SIRPA: variants seen among roughly 807,000 people sequenced by gnomAD.
SIRPA encodes tyrosine-protein phosphatase non-receptor type substrate 1.
SIRPA carries 9 observed loss-of-function variants against 50.3 expected under a neutral mutation model. That is an observed-to-expected ratio of 0.18 (90% CI 0.11 to 0.31). The LOEUF (loss-of-function observed/expected upper bound fraction) is 0.31, where lower values mean the gene tolerates loss of function less well. Among genes scored for constraint, SIRPA ranks in the 10% least tolerant of loss-of-function variants. SIRPA has a pLI of 1.00. For missense variants in SIRPA, 474 were observed against 661.6 expected (o/e 0.72, Z 3.11); for synonymous variants, 265 against 284.1 (o/e 0.93, Z 0.68).
chr20:1,935,299 C>T (rs537051425), intron 7 of SIRPA, among the ~76,000 whole-genome samples: 5 of 152,370 alleles, frequency 3.3e-5, no homozygotes, highest in Admixed American at 6.5e-5. Context: ...TGCAGCAACA[C>T]GGTTTCTGAG....
In SIRPA at chr20:1,939,478, A is replaced by G. The variant is rs898544815; in HGVS notation, c.*1910A>G. 6.6e-6 allele frequency: 1 copy of G among 152,236 alleles called. No homozygotes were observed. The highest frequency in any genetic ancestry group is 1.5e-5 in the Non-Finnish European group (1 of 68,044). The allele number at this position is 152,236 out of a possible 1,614,324, so 9.4% of individuals were successfully genotyped here. A position where few individuals can be genotyped will look rare whatever the true frequency, so the allele number is the denominator to read the frequency against. ...GTGACCCAGCCACCTGGCTCAGGCT[A>G]GTTCCAAATTCCAAAAGATTGGCTT... On this transcript the variant is annotated 3_prime_UTR_variant, in exon 8 of 8. Transcript: ENST00000358771. The surrounding 1 kb of genome is among the most constrained non-coding windows in gnomAD (Gnocchi z 4.7).
At chr20:1,918,360 CT>C (rs60736526) in intron 2 of SIRPA, among the ~76,000 whole-genome samples, 11,132 of 95,664 alleles carry the variant, frequency 0.12, 313 homozygotes, top group African/African-American at 0.13. Context: ...ACCACACCAG[CT>C]TTTTTTTTTT....
At chr20:1,935,711 C>T (rs529488264) in intron 7 of SIRPA, among the ~76,000 whole-genome samples, 1 of 152,326 alleles carries the variant, frequency 6.6e-6, no homozygotes, top group East Asian at 1.9e-4. Context: ...TCATGGAAAC[C>T]TCTACGAAAT....
chr20:1,924,712 T>A lies in SIRPA; in HGVS notation c.1088-52T>A. ...TGGTGAAAAGCAGTGGTGGGTTTGG[T>A]TTTCTGTTTTTAATCTGCATACGTG... On this transcript the variant is annotated intron_variant, in intron 4 of 7. Coordinates refer to ENST00000358771, the MANE Select transcript of SIRPA (RefSeq NM_001040023.2). The surrounding 1 kb of genome is among the most constrained non-coding windows in gnomAD (Gnocchi z 4.5). The A allele has an allele frequency of 6.7e-7, 1 of 1,500,684 alleles. No homozygotes were observed. Among genetic ancestry groups the A allele is most frequent in the Non-Finnish European group, 9.3e-7 (1 of 1,079,052 alleles). 93.0% of individuals were successfully genotyped at this position (1,500,684 alleles called of 1,614,324 possible).
At chr20:1,935,512 A>G (rs1361780636) in intron 7 of SIRPA, among the ~76,000 whole-genome samples, 2 of 152,354 alleles carry the variant, frequency 1.3e-5, no homozygotes, top group East Asian at 1.9e-4. Flanking sequence ...GCATTTGTAG[A>G]CCAAAATGCC....
rs529976502 is a variant in SIRPA, at chr20:1,938,836, C to T, written c.*1268C>T. 6.5e-6 allele frequency: 1 copy of T among 152,732 alleles called. No homozygotes were observed. Among genetic ancestry groups the T allele is most frequent in the Non-Finnish European group, 1.5e-5 (1 of 68,124 alleles). 9.5% of individuals were successfully genotyped at this position (152,732 alleles called of 1,614,324 possible). On this transcript the variant is annotated 3_prime_UTR_variant, in exon 8 of 8. Transcript: ENST00000358771. ...ATAGTGAAGATGACACCCCTCCCCACCACCTCTCATAAGCACTTTAGGAAC... is the reference window on the plus strand; with the variant it reads ...ATAGTGAAGATGACACCCCTCCCCATCACCTCTCATAAGCACTTTAGGAAC...
In SIRPA at chr20:1,895,504, C is replaced by T. The variant is rs1308306071; in HGVS notation, c.57C>T (p.Leu19=). ...TCGGGCCGCTGCTCTGCCTGCTGCT[C>T]GCCGCGTCCTGCGCCTGGTCAGGTA... ...GRLGPLLCLL[L]AASCAWSGVA... is the part of the protein sequence containing the mutation. Residue 19 remains leucine, a synonymous_variant, in exon 1 of 8, where the codon CTC becomes CTT. Transcript: ENST00000358771. The T allele has an allele frequency of 2.7e-6, 4 of 1,460,688 alleles. No homozygotes were observed. Among genetic ancestry groups the T allele is most frequent in the Non-Finnish European group, 2.7e-6 (3 of 1,109,358 alleles). 90.5% of individuals were successfully genotyped at this position (1,460,688 alleles called of 1,614,324 possible).
At chr20:1,909,935 T>C (rs1019448375) in intron 1 of SIRPA, among the ~76,000 whole-genome samples, 1 of 152,222 alleles carries the variant, frequency 6.6e-6, no homozygotes, top group East Asian at 1.9e-4. Context: ...CCCCATCTTA[T>C]TGCATCTCTC....
intron 4 of SIRPA, among the ~76,000 whole-genome samples, chr20:1,923,355 G>C (rs1387352593): frequency 6.6e-6 from 1 of 152,252 alleles, no homozygotes; most frequent in African/African-American, 2.4e-5. Context: ...TTCATCACCT[G>C]TTATCAATGT....
At chr20:1,917,220 A>G (rs1267860755) in intron 2 of SIRPA, among the ~76,000 whole-genome samples, 1 of 152,116 alleles carries the variant, frequency 6.6e-6, no homozygotes, top group East Asian at 1.9e-4. Flanking sequence ...ACAAGTACTT[A>G]TGAAGGAAGA....
At chr20:1,915,022 C>T (rs114623029) in intron 1 of SIRPA, 77 bp from the exon 2 acceptor site, 7 of 1,106,620 alleles carry the variant, frequency 6.3e-6, no homozygotes, top group African/African-American at 3.1e-5. Context: ...AGTCAATGAA[C>T]GTCATTGATA....
Position 1,936,475 on chromosome 20 carries a change from AT to A in SIRPA, c.1267-843del, listed in dbSNP as rs1252560205. ...ACTGAGGCCCAGAGAGGTTAAGTGA[AT>A]TGCTCAAAATCCCTGAGCTAGAACC... is the stretch of plus-strand genomic sequence containing the variant. On this transcript the variant is annotated intron_variant, in intron 7 of 7. Coordinates refer to ENST00000358771, the MANE Select transcript of SIRPA (RefSeq NM_001040023.2). The surrounding 1 kb of genome is among the most constrained non-coding windows in gnomAD (Gnocchi z 4.2). 6.6e-6 allele frequency among the ~76,000 whole-genome samples: 1 copy of A among 152,136 alleles called. No individual in the cohort carries two copies. The highest frequency in any genetic ancestry group is 2.4e-5 in the African/African-American group (1 of 41,426).
At chr20:1,935,498 C>A (rs1986525268) in intron 7 of SIRPA, among the ~76,000 whole-genome samples, 1 of 152,236 alleles carries the variant, frequency 6.6e-6, no homozygotes, top group Admixed American at 6.5e-5. Flanking sequence ...TGGTGAAAGG[C>A]GCAGCATTTG....
Position 1,934,142 on chromosome 20 carries a change from TA to T in SIRPA, c.1227-563del, listed in dbSNP as rs898693877. ...CATTTTAATGTAAGCAATTTTAACT[TA>T]AAAAAAAAACCTCCTCATAAACCTT... On this transcript the variant is annotated intron_variant, in intron 6 of 7. Transcript: ENST00000358771. This position sits in a 1 kb window ranked among gnomAD's most constrained non-coding sequence, Gnocchi z 4.6. Among the ~76,000 whole-genome samples the T allele has an allele frequency of 1.2e-4, 18 of 148,966 alleles. No individual in the cohort carries two copies. The highest frequency in any genetic ancestry group is 3.7e-4 in the African/African-American group (15 of 40,682).
At chr20:1,895,593 A>C in intron 1 of SIRPA, 67 bp downstream of exon 1, 5 of 1,214,020 alleles carry the variant, frequency 4.1e-6, no homozygotes, top group Non-Finnish European at 4.3e-6. Context: ...TCAGACTGGC[A>C]CTGGGACCCC....
At chr20:1,913,832 C>A (rs983405028) in intron 1 of SIRPA, among the ~76,000 whole-genome samples, 24 of 152,338 alleles carry the variant, frequency 1.6e-4, no homozygotes, top group African/African-American at 5.3e-4. Context: ...CCATCTTCAA[C>A]GCATCTCATG....
chr20:1,901,778 C>T (rs371492178), intron 1 of SIRPA, among the ~76,000 whole-genome samples: 5 of 152,014 alleles, frequency 3.3e-5, no homozygotes, highest in South Asian at 2.1e-4. Flanking sequence ...CGTTCGGGGG[C>T]GCAGGGTGTT....
intron 1 of SIRPA, among the ~76,000 whole-genome samples, chr20:1,904,135 G>C (rs1163976736): frequency 6.6e-6 from 1 of 152,180 alleles, no homozygotes; most frequent in Non-Finnish European, 1.5e-5. Context: ...TGCAGCCAGG[G>C]CCGGGATCAT....
At chr20:1,912,958 G>A (rs1197411480) in intron 1 of SIRPA, among the ~76,000 whole-genome samples, 1 of 152,204 alleles carries the variant, frequency 6.6e-6, no homozygotes, top group Non-Finnish European at 1.5e-5. Flanking sequence ...CCACACATTT[G>A]GCCACCAGCC....
Sources: allele counts gnomAD v4.1 joint callset (sites outside exome capture counted in the v4.1 genomes callset), GRCh38; gene constraint gnomAD v4.1.1; non-coding constraint Gnocchi (gnomAD v3.1); transcripts MANE v1.5; gene names NCBI Gene and HGNC (gene_info 2026-07-23, HGNC 2026-07-21).